The following PRKD1 variants were observed in gnomAD, a reference collection of about 807,000 sequenced individuals.
PRKD1 encodes protein kinase D1, also known as serine/threonine-protein kinase D1.
In PRKD1, 63 loss-of-function variants were observed where a neutral mutation model predicts 95.9. The ratio of observed to expected loss-of-function variants is 0.66; its 90% CI spans 0.54 to 0.81. The LOEUF (loss-of-function observed/expected upper bound fraction) is 0.81. Ranked by LOEUF, PRKD1 falls within the 30% of genes least tolerant of loss-of-function variation. The probability of loss-of-function intolerance (pLI) is 0.00; values close to 1 mark genes in which losing one functional copy is unlikely to be tolerated. For missense variants in PRKD1, 1,048 were observed against 1,165.3 expected, an observed-to-expected ratio of 0.90 and a Z score of 1.47; for synonymous variants, 425 against 423.1, an observed-to-expected ratio of 1.00 and a Z score of -0.05.
chr14:29,634,404 C>G lies in PRKD1; in HGVS notation c.1314+14G>C, dbSNP rs1293967270. ...CTAGCAAGGCAAGAGAACATTGTTC[C>G]CTGTGGATCTTACCAGCGTGTCCTT... On this transcript the variant is annotated intron_variant, in intron 8 of 17. Coordinates refer to ENST00000331968, the MANE Select transcript of PRKD1 (RefSeq NM_002742.3). The G allele has an allele frequency of 6.2e-7, 1 of 1,613,716 alleles. No homozygotes were observed. The highest frequency in any genetic ancestry group is 1.3e-5 in the African/African-American group (1 of 74,846).
At chr14:29,683,236 T>C (rs1404917478) in intron 2 of PRKD1, among the ~76,000 whole-genome samples, 3 of 152,046 alleles carry the variant, frequency 2.0e-5, no homozygotes, top group Non-Finnish European at 4.4e-5. Context: ...GAAAACTAAA[T>C]GCAAGCTATA....
At chr14:29,857,807 G>C (rs1156987324) in intron 1 of PRKD1, among the ~76,000 whole-genome samples, 1 of 152,134 alleles carries the variant, frequency 6.6e-6, no homozygotes, top group African/African-American at 2.4e-5. Context: ...TCTGATAGAA[G>C]AATGTGAAAC....
intron 13 of PRKD1, among the ~76,000 whole-genome samples, chr14:29,610,472 C>T (rs1254222205): frequency 2.0e-5 from 3 of 152,102 alleles, no homozygotes; most frequent in Admixed American, 1.3e-4. Flanking sequence ...AGTAAGATAC[C>T]ATTACACACC....
At chr14:29,792,365 T>C (rs191044742) in intron 1 of PRKD1, among the ~76,000 whole-genome samples, 12 of 152,196 alleles carry the variant, frequency 7.9e-5, no homozygotes, top group Admixed American at 7.9e-4. Flanking sequence ...GGTCCAAATT[T>C]TAATACTATA....
At chr14:29,645,061 C>T (rs1283891292) in intron 4 of PRKD1, among the ~76,000 whole-genome samples, 3 of 152,076 alleles carry the variant, frequency 2.0e-5, no homozygotes, top group Non-Finnish European at 4.4e-5. Context: ...TAGTTTTGCT[C>T]CAGATAACAA....
chr14:29,801,631 T>C (rs1315096927), intron 1 of PRKD1, among the ~76,000 whole-genome samples: 1 of 151,336 alleles, frequency 6.6e-6, no homozygotes, highest in African/African-American at 2.4e-5. Flanking sequence ...TGGTCTTATA[T>C]GAATTACATG....
At chr14:29,883,739 T>C (rs955420499) in intron 1 of PRKD1, among the ~76,000 whole-genome samples, 8 of 152,214 alleles carry the variant, frequency 5.3e-5, no homozygotes, top group Non-Finnish European at 8.8e-5. Flanking sequence ...ACCTGAGATT[T>C]GCCACCTAAA....
At chr14:29,590,014 T>C (rs559881027) in intron 16 of PRKD1, among the ~76,000 whole-genome samples, 2 of 152,310 alleles carry the variant, frequency 1.3e-5, no homozygotes, top group Admixed American at 1.3e-4. Context: ...TCAGTGCTGG[T>C]CTGAATTGTT....
chr14:29,868,491 A>G (rs937296632), intron 1 of PRKD1, among the ~76,000 whole-genome samples: 1 of 152,186 alleles, frequency 6.6e-6, no homozygotes, highest in African/African-American at 2.4e-5. Flanking sequence ...TGCTGTAAAG[A>G]AGTCTGTATG....
At chr14:29,721,413 T>C (rs1285959525) in intron 2 of PRKD1, among the ~76,000 whole-genome samples, 1 of 152,238 alleles carries the variant, frequency 6.6e-6, no homozygotes, top group African/African-American at 2.4e-5. Flanking sequence ...AGTCCTTTTC[T>C]AGTCTCTATT....
chr14:29,830,076 TTCAAA>T (rs1259500914), intron 1 of PRKD1, among the ~76,000 whole-genome samples: 2 of 152,208 alleles, frequency 1.3e-5, no homozygotes, highest in Non-Finnish European at 2.9e-5. Context: ...TTGTTCTGAA[TTCAAA>T]GATTAGAAAC....
At chr14:29,828,748 T>C (rs1244186927) in intron 1 of PRKD1, among the ~76,000 whole-genome samples, 2 of 152,166 alleles carry the variant, frequency 1.3e-5, no homozygotes, top group Non-Finnish European at 2.9e-5. Context: ...AAACATATAC[T>C]GAATTAGATA....
chr14:29,783,906 A>T (rs911101869), intron 1 of PRKD1, among the ~76,000 whole-genome samples: 1 of 152,182 alleles, frequency 6.6e-6, no homozygotes, highest in African/African-American at 2.4e-5. Context: ...ATGAATAGTT[A>T]GTGAATATTT....
chr14:29,703,193 C>A (rs1884924304), intron 2 of PRKD1, among the ~76,000 whole-genome samples: 1 of 152,170 alleles, frequency 6.6e-6, no homozygotes, highest in African/African-American at 2.4e-5. Flanking sequence ...CCCAGCATCT[C>A]CTATCACCTT....
At chr14:29,868,051 T>C (rs1001953783) in intron 1 of PRKD1, among the ~76,000 whole-genome samples, 2 of 152,230 alleles carry the variant, frequency 1.3e-5, no homozygotes, top group Non-Finnish European at 2.9e-5. Flanking sequence ...GGATCTTATT[T>C]ATGCAAAAAG....
chr14:29,824,658 A>G (rs1891041401), intron 1 of PRKD1, among the ~76,000 whole-genome samples: 1 of 152,182 alleles, frequency 6.6e-6, no homozygotes, highest in Admixed American at 6.6e-5. Context: ...TGACATCAAC[A>G]GAATATATTC....
At chr14:29,645,354 C>T (rs1594390905) in intron 4 of PRKD1, among the ~76,000 whole-genome samples, 1 of 152,098 alleles carries the variant, frequency 6.6e-6, no homozygotes, top group South Asian at 2.1e-4. Flanking sequence ...AACACAATAA[C>T]TAGTGGAATA....
At chr14:29,580,120 C>T (rs1185525431) in intron 16 of PRKD1, among the ~76,000 whole-genome samples, 1 of 152,114 alleles carries the variant, frequency 6.6e-6, no homozygotes, top group Non-Finnish European at 1.5e-5. Flanking sequence ...GTCATTAATT[C>T]ACTCATTCTG....
At chr14:29,611,642 C>T (rs919767979) in intron 13 of PRKD1, among the ~76,000 whole-genome samples, 1 of 151,144 alleles carries the variant, frequency 6.6e-6, no homozygotes, top group Non-Finnish European at 1.5e-5. Flanking sequence ...TCTAAAAAAT[C>T]AGTGTTACAG....
Sources: allele counts gnomAD v4.1 joint callset (sites outside exome capture counted in the v4.1 genomes callset), GRCh38; gene constraint gnomAD v4.1.1; transcripts MANE v1.5; gene names NCBI Gene and HGNC (gene_info 2026-07-23, HGNC 2026-07-21).